The following DOCK4 variants were observed in gnomAD, a reference collection of about 807,000 sequenced individuals.
DOCK4 encodes dedicator of cytokinesis 4, also known as dedicator of cytokinesis protein 4.
A neutral mutation model predicts 268.1 loss-of-function variants in DOCK4; 97 were observed. The ratio of observed to expected loss-of-function variants is 0.36; its 90% CI spans 0.31 to 0.43. The LOEUF (loss-of-function observed/expected upper bound fraction) is 0.43. Ranked by LOEUF, DOCK4 falls within the 20% of genes least tolerant of loss-of-function variation. DOCK4 has a pLI of 1.00. For synonymous variants in DOCK4, 954 were observed against 887.2 expected (o/e 1.08, Z -1.34); for missense variants, 2,145 against 2,455.7 (o/e 0.87, Z 2.67).
At position 111,783,969 on chromosome 7, in the gene DOCK4, C is replaced by G. The variant is rs1311722610; in HGVS notation, c.3429-17G>C. On this transcript the variant is annotated splice_polypyrimidine_tract_variant and intron_variant, in intron 33 of 52. Transcript: ENST00000428084. ...TTTAGTAGACTGGAAAAGAAAGAAC[C>G]CGGGGCATTTTCAACATTTATTTTT... is the stretch of plus-strand genomic sequence containing the variant. 22 of 1,585,718 alleles carry G rather than the reference C, an allele frequency of 1.4e-5. No homozygotes were observed. The highest frequency in any genetic ancestry group is 1.6e-5 in the Non-Finnish European group (19 of 1,164,950).
intron 41 of DOCK4, among the ~76,000 whole-genome samples, chr7:111,758,152 A>G (rs1010412053): frequency 2.0e-5 from 3 of 152,170 alleles, no homozygotes; most frequent in Non-Finnish European, 4.4e-5. Flanking sequence ...CACATAACTT[A>G]CCCAACGTAC....
chr7:111,798,620 T>C (rs1333726103), intron 30 of DOCK4, among the ~76,000 whole-genome samples: 1 of 152,188 alleles, frequency 6.6e-6, no homozygotes, highest in South Asian at 2.1e-4. Context: ...ACACCCCACA[T>C]ACTGTGGCAG....
At chr7:111,752,359 T>C (rs6979050) in intron 42 of DOCK4, among the ~76,000 whole-genome samples, 43,099 of 151,922 alleles carry the variant, frequency 0.28, 6,495 homozygotes, top group African/African-American at 0.33. Context: ...TTTAGGAGGC[T>C]ACTGCAGTAA....
intron 36 of DOCK4, among the ~76,000 whole-genome samples, chr7:111,775,336 T>G (rs1798376665): frequency 6.6e-6 from 1 of 152,160 alleles, no homozygotes; most frequent in Admixed American, 6.5e-5. Context: ...AAGAACAATG[T>G]GGCAAAGGAC....
chr7:111,802,489 G>A (rs1037454045), intron 30 of DOCK4, among the ~76,000 whole-genome samples: 2 of 152,144 alleles, frequency 1.3e-5, no homozygotes, highest in African/African-American at 4.8e-5. Flanking sequence ...AAGGGGGATG[G>A]AAGAGAGAGG....
At chr7:111,930,209 A>G (rs2134663285) in intron 12 of DOCK4, among the ~76,000 whole-genome samples, 1 of 152,348 alleles carries the variant, frequency 6.6e-6, no homozygotes, top group East Asian at 1.9e-4. Context: ...CTGTGAAGAT[A>G]TAGTAATTCA....
At chr7:112,172,918 A>G (rs1263010603) in intron 1 of DOCK4, among the ~76,000 whole-genome samples, 2 of 152,196 alleles carry the variant, frequency 1.3e-5, no homozygotes, top group African/African-American at 2.4e-5. Flanking sequence ...TGACAGCCTC[A>G]TGTAATGAAA....
intron 1 of DOCK4, among the ~76,000 whole-genome samples, chr7:112,095,679 A>G (rs1389361861): frequency 1.3e-5 from 2 of 152,246 alleles, no homozygotes; most frequent in African/African-American, 2.4e-5. Flanking sequence ...TTAAAACACA[A>G]CCATGAAATG....
intron 1 of DOCK4, among the ~76,000 whole-genome samples, chr7:112,053,614 A>C (rs914887573): frequency 2.6e-5 from 4 of 152,230 alleles, no homozygotes; most frequent in Non-Finnish European, 4.4e-5. Flanking sequence ...AACACTTGAC[A>C]ATACTCAACT....
At chr7:111,894,214 T>G (rs1238509997) in intron 16 of DOCK4, among the ~76,000 whole-genome samples, 4 of 132,806 alleles carry the variant, frequency 3.0e-5, no homozygotes, top group Non-Finnish European at 4.6e-5. Context: ...AGAGCAAGAC[T>G]CCATCTCAAA....
In DOCK4 at chr7:112,206,374, C is replaced by T. The variant is rs772670751; in HGVS notation, c.-236G>A. ...GTCCTCCGACGCGCTCCCGGGTACCCGGCGGCGCAGTCATTGTTCTGATTC... is the reference window on the plus strand; with the variant it reads ...GTCCTCCGACGCGCTCCCGGGTACCTGGCGGCGCAGTCATTGTTCTGATTC... On this transcript the variant is annotated 5_prime_UTR_variant, in exon 1 of 53. Coordinates refer to ENST00000428084, the MANE Select transcript of DOCK4 (RefSeq NM_001363540.2). The T allele has an allele frequency of 3.1e-5, 18 of 583,872 alleles. No individual in the cohort carries two copies. The Admixed American group carries it at 5.4e-4, about 17-fold the overall frequency. The allele number at this position is 583,872 out of a possible 1,614,324, so 36.2% of individuals were successfully genotyped here.
At chr7:112,137,162 A>AT (rs889587545) in intron 1 of DOCK4, among the ~76,000 whole-genome samples, 7 of 152,174 alleles carry the variant, frequency 4.6e-5, no homozygotes, top group African/African-American at 1.2e-4. Context: ...CATTTAAATA[A>AT]TTTTTTTATC....
At chr7:112,083,770 T>C (rs1808805422) in intron 1 of DOCK4, among the ~76,000 whole-genome samples, 1 of 152,170 alleles carries the variant, frequency 6.6e-6, no homozygotes, top group African/African-American at 2.4e-5. Context: ...AATAACTACA[T>C]ATAGTATGGA....
intron 8 of DOCK4, 100 bp from the exon 9 acceptor site, chr7:111,945,898 A>G: frequency 1.2e-6 from 1 of 845,970 alleles, no homozygotes. Context: ...GCTAAATATT[A>G]GGTTGTTCAT....
chr7:111,833,071 A>G (rs1802966014), intron 26 of DOCK4, among the ~76,000 whole-genome samples: 1 of 152,212 alleles, frequency 6.6e-6, no homozygotes, highest in African/African-American at 2.4e-5. Flanking sequence ...GGAAATTTTC[A>G]AATATGAAGT....
At chr7:111,867,702 T>A (rs999123290) in intron 22 of DOCK4, among the ~76,000 whole-genome samples, 1 of 152,186 alleles carries the variant, frequency 6.6e-6, no homozygotes, top group Non-Finnish European at 1.5e-5. Flanking sequence ...GGTGACAGCA[T>A]GTCCAGTCGT....
intron 17 of DOCK4, among the ~76,000 whole-genome samples, chr7:111,872,912 G>T (rs1463145583): frequency 1.3e-5 from 2 of 152,168 alleles, no homozygotes; most frequent in Non-Finnish European, 2.9e-5. Context: ...AATCAGGCAG[G>T]TGACAAATAT....
intron 12 of DOCK4, among the ~76,000 whole-genome samples, chr7:111,922,497 G>A (rs1025216621): frequency 1.3e-5 from 2 of 151,990 alleles, no homozygotes; most frequent in Admixed American, 6.6e-5. Flanking sequence ...AATTGTTGCT[G>A]TTTGCAGTCA....
intron 47 of DOCK4, 125 bp downstream of exon 47, chr7:111,740,969 A>G: frequency 8.9e-7 from 1 of 1,122,928 alleles, no homozygotes; most frequent in African/African-American, 1.6e-5. Context: ...GAGTGTTTAA[A>G]GGTTTGTCCT....
Sources: gnomAD v4.1 joint callset for allele counts (sites outside exome capture counted in the v4.1 genomes callset) on GRCh38, gnomAD v4.1.1 for gene constraint, MANE v1.5 for transcripts, NCBI Gene and HGNC (gene_info 2026-07-23, HGNC 2026-07-21) for gene names.